ADGRL2: variants seen among roughly 807,000 people sequenced by gnomAD.
ADGRL2 encodes adhesion G protein-coupled receptor L2, also known as calcium-independent alpha-latrotoxin receptor 2.
In ADGRL2, 44 loss-of-function variants were observed where a neutral mutation model predicts 157.4. The observed-to-expected ratio is 0.28, with a 90% CI of 0.22 to 0.36. The LOEUF (loss-of-function observed/expected upper bound fraction) is 0.36, where lower values mean the gene tolerates loss of function less well. Ranked by LOEUF, ADGRL2 falls within the 10% of genes least tolerant of loss-of-function variation. ADGRL2 has a pLI of 1.00. For missense variants in ADGRL2, 1,510 were observed against 1,768.9 expected (o/e 0.85, Z 2.63); for synonymous variants, 585 against 624.7 (o/e 0.94, Z 0.95).
chr1:81,917,844 ATT>A (rs1410166241), intron 3 of ADGRL2, among the ~76,000 whole-genome samples: 2 of 106,926 alleles, frequency 1.9e-5, no homozygotes, highest in African/African-American at 5.9e-5. Flanking sequence ...CTAAAGATAG[ATT>A]CATGGTAAAC....
intron 2 of ADGRL2, among the ~76,000 whole-genome samples, chr1:81,513,489 A>G (rs916144248): frequency 6.6e-6 from 1 of 152,218 alleles, no homozygotes; most frequent in Non-Finnish European, 1.5e-5. Context: ...TGTGAAGTAA[A>G]CAGTATATTT....
At chr1:81,525,738 C>T (rs1455577810) in intron 2 of ADGRL2, among the ~76,000 whole-genome samples, 1 of 152,120 alleles carries the variant, frequency 6.6e-6, no homozygotes, top group African/African-American at 2.4e-5. Flanking sequence ...AAATAGGAAA[C>T]GCTACACATC....
intron 1 of ADGRL2, among the ~76,000 whole-genome samples, chr1:81,376,057 C>G (rs1453973122): frequency 6.6e-6 from 1 of 152,228 alleles, no homozygotes; most frequent in Non-Finnish European, 1.5e-5. Flanking sequence ...GGTGGACTGA[C>G]CCCTGCCACT....
intron 2 of ADGRL2, among the ~76,000 whole-genome samples, chr1:81,530,001 G>C (rs1237089547): frequency 1.3e-5 from 2 of 152,188 alleles, no homozygotes; most frequent in Non-Finnish European, 2.9e-5. Context: ...ACATGCCCAA[G>C]GTCACTGACA....
At chr1:81,321,468 T>C (rs1028653432) in intron 1 of ADGRL2, among the ~76,000 whole-genome samples, 4 of 152,182 alleles carry the variant, frequency 2.6e-5, no homozygotes, top group African/African-American at 9.7e-5. Context: ...TAGCTTTTGA[T>C]TTAAAGTTAG....
chr1:81,311,852 G>A (rs1020752121), intron 1 of ADGRL2, among the ~76,000 whole-genome samples: 1 of 152,134 alleles, frequency 6.6e-6, no homozygotes, highest in African/African-American at 2.4e-5. Context: ...AAGGTGAAAA[G>A]TTAAGAAAAG....
At chr1:81,822,027 A>ATTTTTTTTTTT (rs1557709112) in intron 1 of ADGRL2, among the ~76,000 whole-genome samples, 2 of 18,372 alleles carry the variant, frequency 1.1e-4, no homozygotes, top group Admixed American at 7.9e-4. Flanking sequence ...AATATCAGAA[A>ATTTTTTTTTTT]CTTTTTTTTT....
At chr1:81,379,616 T>C (rs1447443525) in intron 1 of ADGRL2, among the ~76,000 whole-genome samples, 5 of 152,102 alleles carry the variant, frequency 3.3e-5, no homozygotes, top group African/African-American at 7.2e-5. Context: ...CTCCTCCAAC[T>C]GCCCCAGCCA....
intron 2 of ADGRL2, among the ~76,000 whole-genome samples, chr1:81,531,874 A>G (rs1553120591): frequency 6.6e-6 from 1 of 152,120 alleles, no homozygotes; most frequent in Non-Finnish European, 1.5e-5. Flanking sequence ...AATTTCTTAA[A>G]TTTTTATATA....
chr1:81,945,030 A>G (rs764535648), intron 6 of ADGRL2, among the ~76,000 whole-genome samples: 1 of 151,928 alleles, frequency 6.6e-6, no homozygotes, highest in Non-Finnish European at 1.5e-5. Context: ...TCCCTAAATC[A>G]GGTTATGTTT....
chr1:81,750,139 A>T (rs907553202), intron 1 of ADGRL2, among the ~76,000 whole-genome samples: 2 of 152,186 alleles, frequency 1.3e-5, no homozygotes, highest in Non-Finnish European at 2.9e-5. Flanking sequence ...AAAGTATCTC[A>T]ATTTGTTCTC....
intron 1 of ADGRL2, among the ~76,000 whole-genome samples, chr1:81,703,028 G>A: frequency 6.6e-6 from 1 of 152,206 alleles, no homozygotes; most frequent in East Asian, 1.9e-4. Context: ...CACTGGGGTA[G>A]TTCAGGATGG....
At chr1:81,463,786 G>A (rs2077992141) in intron 2 of ADGRL2, among the ~76,000 whole-genome samples, 1 of 152,154 alleles carries the variant, frequency 6.6e-6, no homozygotes, top group Non-Finnish European at 1.5e-5. Context: ...AGATTGATGT[G>A]TATAAAGACA....
At chr1:81,952,262 T>C in intron 9 of ADGRL2, 120 bp downstream of exon 9, 1 of 691,794 alleles carries the variant, frequency 1.4e-6, no homozygotes. Flanking sequence ...GCAAAATTTC[T>C]AATTTGGTTC....
At chr1:81,344,213 C>G (rs1055512978) in intron 1 of ADGRL2, among the ~76,000 whole-genome samples, 1 of 152,104 alleles carries the variant, frequency 6.6e-6, no homozygotes, top group Admixed American at 6.6e-5. Flanking sequence ...GGATTACAGG[C>G]GCAACGTCAC....
intron 1 of ADGRL2, among the ~76,000 whole-genome samples, chr1:81,443,787 A>T (rs1462938652): frequency 6.6e-6 from 1 of 152,176 alleles, no homozygotes; most frequent in Non-Finnish European, 1.5e-5. Flanking sequence ...AATATTTTTT[A>T]TTAGAATAGA....
intron 1 of ADGRL2, among the ~76,000 whole-genome samples, chr1:81,352,444 A>G (rs1259428420): frequency 6.6e-6 from 1 of 152,214 alleles, no homozygotes; most frequent in Admixed American, 6.5e-5. Flanking sequence ...ACTTGAATTT[A>G]AACAGCCTGA....
At chr1:81,747,819 AT>A (rs1050400485) in intron 1 of ADGRL2, among the ~76,000 whole-genome samples, 5 of 151,326 alleles carry the variant, frequency 3.3e-5, no homozygotes, top group African/African-American at 4.9e-5. Context: ...TTTTTATTGG[AT>A]TTTTTCATTT....
chr1:81,356,291 C>CA (rs1476459209), intron 1 of ADGRL2, among the ~76,000 whole-genome samples: 1 of 152,142 alleles, frequency 6.6e-6, no homozygotes. Flanking sequence ...TTATACATTG[C>CA]AAAATGCTAA....
Sources: allele counts gnomAD v4.1 joint callset (sites outside exome capture counted in the v4.1 genomes callset), GRCh38; gene constraint gnomAD v4.1.1; transcripts MANE v1.5; gene names NCBI Gene and HGNC (gene_info 2026-07-23, HGNC 2026-07-21).